Variants in DENND5B observed in about 807,000 individuals in gnomAD.
The protein encoded by DENND5B is DENN domain-containing protein 5B.
In DENND5B, 34 loss-of-function variants were observed where a neutral mutation model predicts 140.6. The observed-to-expected ratio is 0.24, with a 90% confidence interval of 0.18 to 0.32. DENND5B has a LOEUF of 0.32. Among genes scored for constraint, DENND5B ranks in the 10% least tolerant of loss-of-function variants. DENND5B has a pLI of 1.00. For missense variants in DENND5B, 1,142 were observed against 1,560.2 expected (o/e 0.73, Z 4.52); for synonymous variants, 551 against 562.1 (o/e 0.98, Z 0.28).
chr12:31,476,331 G>C (rs1364335841), intron 3 of DENND5B, among the ~76,000 whole-genome samples: 2 of 151,530 alleles, frequency 1.3e-5, no homozygotes, highest in Non-Finnish European at 2.9e-5. Flanking sequence ...ACAACTTAGA[G>C]ATAAGTGTAA....
At chr12:31,398,422 A>G in intron 16 of DENND5B, 60 bp from the exon 17 acceptor site, 1 of 1,467,468 alleles carries the variant, frequency 6.8e-7, no homozygotes, top group Non-Finnish European at 9.1e-7. Context: ...GTTCCCGCTC[A>G]GCCCCCTGAG....
intron 1 of DENND5B, among the ~76,000 whole-genome samples, chr12:31,576,234 T>C (rs941064805): frequency 1.3e-5 from 2 of 151,736 alleles, no homozygotes; most frequent in African/African-American, 4.8e-5. Context: ...AGTGGATCAT[T>C]TGAGGTCAGG....
chr12:31,466,054 G>C (rs1474643023), intron 3 of DENND5B, among the ~76,000 whole-genome samples: 3 of 152,172 alleles, frequency 2.0e-5, no homozygotes, highest in Admixed American at 6.5e-5. Context: ...ATGCAGCACA[G>C]AGACACACAG....
chr12:31,463,185 G>A (rs569626530), intron 3 of DENND5B, among the ~76,000 whole-genome samples: 12 of 152,306 alleles, frequency 7.9e-5, no homozygotes, highest in African/African-American at 2.6e-4. Flanking sequence ...CTTGAACCCA[G>A]GAGGCAGAGG....
At chr12:31,562,384 C>A (rs965985708) in intron 1 of DENND5B, among the ~76,000 whole-genome samples, 1 of 152,128 alleles carries the variant, frequency 6.6e-6, no homozygotes, top group Non-Finnish European at 1.5e-5. Context: ...CCGAGGCAGG[C>A]GGATCACCTG....
intron 1 of DENND5B, among the ~76,000 whole-genome samples, chr12:31,554,924 C>A (rs937316217): frequency 2.5e-4 from 38 of 152,352 alleles, no homozygotes; most frequent in African/African-American, 9.1e-4. Context: ...CCTTTAAGGA[C>A]TTCTCTGCAT....
Position 31,398,889 on chromosome 12 carries a change from A to G in DENND5B, c.3069-527T>C, listed in dbSNP as rs141012619. 5.6e-3 allele frequency among the ~76,000 whole-genome samples: 851 copies of G among 152,118 alleles called. 18 individuals carry two copies. Among genetic ancestry groups the G allele is most frequent in the African/African-American group, 0.02 (828 of 41,520 alleles). ...GTAATCCCAGCACTTTGGGAGGCCAAGGTGGGTGGAACACTTGAGGTTAGG... is the reference window on the plus strand; with the variant it reads ...GTAATCCCAGCACTTTGGGAGGCCAGGGTGGGTGGAACACTTGAGGTTAGG... On this transcript the variant is annotated intron_variant, in intron 16 of 20. Transcript: ENST00000389082.
intron 14 of DENND5B, among the ~76,000 whole-genome samples, chr12:31,404,916 C>A (rs1469726816): frequency 1.3e-5 from 2 of 151,888 alleles, no homozygotes; most frequent in Non-Finnish European, 2.9e-5. Flanking sequence ...CACACCACCA[C>A]GGCCAGCTAT....
intron 7 of DENND5B, among the ~76,000 whole-genome samples, chr12:31,439,150 T>C (rs1363041400): frequency 1.3e-5 from 2 of 152,242 alleles, no homozygotes; most frequent in Admixed American, 6.5e-5. Flanking sequence ...ATAATCACAA[T>C]TGCTGAAATA....
chr12:31,523,836 A>T (rs548094916), intron 1 of DENND5B, among the ~76,000 whole-genome samples: 1 of 152,234 alleles, frequency 6.6e-6, no homozygotes, highest in Non-Finnish European at 1.5e-5. Context: ...TAGATCTTGA[A>T]TCCTAAGACT....
At chr12:31,588,695 G>C (rs913864418) in intron 1 of DENND5B, among the ~76,000 whole-genome samples, 7 of 152,146 alleles carry the variant, frequency 4.6e-5, no homozygotes, top group African/African-American at 1.7e-4. Flanking sequence ...GGACACTCTA[G>C]AATCCATCCC....
chr12:31,394,237 G>T (rs1941311623), intron 17 of DENND5B, among the ~76,000 whole-genome samples: 1 of 151,702 alleles, frequency 6.6e-6, no homozygotes, highest in Non-Finnish European at 1.5e-5. Context: ...TTATAAAACT[G>T]ATTTTAAAAA....
intron 1 of DENND5B, among the ~76,000 whole-genome samples, chr12:31,523,586 T>A (rs2139022849): frequency 6.6e-6 from 1 of 151,886 alleles, no homozygotes; most frequent in African/African-American, 2.4e-5. Flanking sequence ...TTTGACATTA[T>A]CCTAAAAATA....
intron 6 of DENND5B, chr12:31,443,686 TC>T (rs1290229267): frequency 6.6e-6 from 1 of 152,226 alleles, no homozygotes; most frequent in East Asian, 1.9e-4. Context: ...TAACTTTACT[TC>T]TTTATACAAA....
chr12:31,406,551 G>C (rs890721288), intron 14 of DENND5B, among the ~76,000 whole-genome samples: 1 of 152,050 alleles, frequency 6.6e-6, no homozygotes, highest in Non-Finnish European at 1.5e-5. Flanking sequence ...CTTTATTTTA[G>C]GTGCCAGAGG....
chr12:31,446,276 G>T (rs927235018), intron 6 of DENND5B, among the ~76,000 whole-genome samples: 1 of 151,894 alleles, frequency 6.6e-6, no homozygotes, highest in African/African-American at 2.4e-5. Context: ...AGCCTCCCTA[G>T]TAGCTGGGAT....
At chr12:31,473,503 C>A (rs1397680317) in intron 3 of DENND5B, among the ~76,000 whole-genome samples, 2 of 152,166 alleles carry the variant, frequency 1.3e-5, no homozygotes, top group Non-Finnish European at 2.9e-5. Context: ...ATTGCCTGAG[C>A]TCACGCAGTG....
Position 31,447,602 on chromosome 12 carries a change from A to G in DENND5B, c.1797T>C (p.Tyr599=), listed in dbSNP as rs1274127242. The G allele has an allele frequency of 2.5e-6, 4 of 1,613,906 alleles. No individual in the cohort carries two copies. Among genetic ancestry groups the G allele is most frequent in the Admixed American group, 3.3e-5 (2 of 60,004 alleles). ...TCCGCAAGGTGGGTGCCCTTACATTATACAGCCTTATCTTATCAATCCGAG... is the reference window on the plus strand; with the variant it reads ...TCCGCAAGGTGGGTGCCCTTACATTGTACAGCCTTATCTTATCAATCCGAG... The part of the protein sequence containing the change: ...FDTRIDKIRL[Y]NVRAPTLRTS... Residue 599 remains tyrosine (Y), a synonymous_variant, in exon 6 of 21, where the codon TAT becomes TAC. Coordinates refer to ENST00000389082, the MANE Select transcript of DENND5B (RefSeq NM_144973.4).
intron 1 of DENND5B, among the ~76,000 whole-genome samples, chr12:31,519,762 T>C (rs926386727): frequency 1.3e-5 from 2 of 152,228 alleles, no homozygotes; most frequent in Admixed American, 6.5e-5. Flanking sequence ...CAGATAAGCA[T>C]GCTTCAGAAT....
Sources: allele counts gnomAD v4.1 joint callset (sites outside exome capture counted in the v4.1 genomes callset), GRCh38; gene constraint gnomAD v4.1.1; transcripts MANE v1.5; gene names NCBI Gene and HGNC (gene_info 2026-07-23, HGNC 2026-07-21).